The following NLRP8 variants were observed in gnomAD, a reference collection of about 807,000 sequenced individuals.
The protein encoded by NLRP8 is NLR family pyrin domain containing 8, also known as NACHT, LRR and PYD domains-containing protein 8.
A neutral mutation model predicts 88.7 loss-of-function variants in NLRP8; 86 were observed. The observed-to-expected ratio is 0.97, with a 90% CI of 0.81 to 1.16. The LOEUF (loss-of-function observed/expected upper bound fraction) is 1.16. NLRP8 is among the 50% of genes most tolerant of loss of function. The pLI is 0.00. For synonymous variants in NLRP8, 504 were observed against 494.6 expected (o/e 1.02, Z -0.25); for missense variants, 1,342 against 1,286.5 (o/e 1.04, Z -0.66).
chr19:55,953,561 A>G (rs1351075455), intron 2 of NLRP8, among the ~76,000 whole-genome samples: 1 of 151,594 alleles, frequency 6.6e-6, no homozygotes, highest in African/African-American at 2.4e-5. Context: ...CAGTGGCGTG[A>G]TCTCTCAGCT....
In NLRP8 at chr19:55,948,790, A is replaced by G. The variant is rs143099182; in HGVS notation, c.367+521A>G. ...ACTGAATACTGCTTATATGAGGTGA[A>G]CGTTAAATGAAGTCATAGAGAAGTA... On this transcript the variant is annotated intron_variant, in intron 1 of 9. Transcript: ENST00000291971. Among the ~76,000 whole-genome samples, 9 of 152,322 alleles carry G rather than the reference A, an allele frequency of 5.9e-5. No homozygotes were observed. In the East Asian group the frequency reaches 1.5e-3, roughly 26 times the overall value.
chr19:55,987,538 T>A (rs1980905792), intron 9 of NLRP8, among the ~76,000 whole-genome samples: 1 of 152,166 alleles, frequency 6.6e-6, no homozygotes, highest in Non-Finnish European at 1.5e-5. Flanking sequence ...CTGACGGTGT[T>A]GTTTGTCCTG....
intron 1 of NLRP8, among the ~76,000 whole-genome samples, chr19:55,952,096 T>A (rs1979120358): frequency 6.6e-6 from 1 of 152,150 alleles, no homozygotes; most frequent in Non-Finnish European, 1.5e-5. Context: ...TGTATTTTTA[T>A]TGGGTTTTTA....
intron 9 of NLRP8, among the ~76,000 whole-genome samples, chr19:55,985,552 C>T (rs1443363077): frequency 6.6e-6 from 1 of 152,078 alleles, no homozygotes; most frequent in Admixed American, 6.6e-5. Context: ...AAGAAAAAAT[C>T]TGAATTCCTA....
chr19:55,957,285 A>T (rs771653491), intron 3 of NLRP8, among the ~76,000 whole-genome samples: 17 of 152,200 alleles, frequency 1.1e-4, no homozygotes, highest in Non-Finnish European at 2.4e-4. Flanking sequence ...ATTTAACTTT[A>T]CTGAATTTAA....
At chr19:55,971,687 GA>G (rs1314770996) in intron 6 of NLRP8, among the ~76,000 whole-genome samples, 1 of 151,786 alleles carries the variant, frequency 6.6e-6, no homozygotes, top group African/African-American at 2.4e-5. Flanking sequence ...ACACTGTGAT[GA>G]ACATTCTAAG....
At chr19:55,953,041 G>C (rs962200992) in intron 2 of NLRP8, among the ~76,000 whole-genome samples, 2 of 152,208 alleles carry the variant, frequency 1.3e-5, no homozygotes, top group African/African-American at 4.8e-5. Flanking sequence ...ACAGCAGGAG[G>C]TGAGTGGCAG....
In NLRP8 at chr19:55,952,617, G is replaced by A. The variant is rs1293400421; in HGVS notation, c.442+5G>A. ...ATCTGGAGGAAGGAGAATCTGGTAT[G>A]TGCCTGTATCACAGCAGACCCTGGT... On this transcript the variant is annotated splice_donor_5th_base_variant and intron_variant, in intron 2 of 9. Coordinates refer to ENST00000291971, the MANE Select transcript of NLRP8 (RefSeq NM_176811.2). 1.2e-6 allele frequency: 2 copies of A among 1,612,654 alleles called. No individual in the cohort carries two copies. The highest frequency in any genetic ancestry group is 2.7e-5 in the African/African-American group (2 of 74,918).
chr19:55,972,873 A>G (rs961594348), intron 6 of NLRP8, among the ~76,000 whole-genome samples: 3 of 148,866 alleles, frequency 2.0e-5, no homozygotes, highest in Non-Finnish European at 4.4e-5. Flanking sequence ...TTTTATGGGC[A>G]TTTGGGCTGG....
chr19:55,955,910 G>C lies in NLRP8; in HGVS notation c.1852G>C (p.Glu618Gln). The change falls in exon 3 of 10, where the codon GAG becomes CAG. Residue 618 changes from glutamate to glutamine, a missense_variant. Transcript: ENST00000291971. ...ATTCTACTGTCTGCATGAAATCCGG[G>C]AGGAAGCCTTTGTAAGCCAAGCCCT... The C allele has an allele frequency of 6.2e-7, 1 of 1,614,180 alleles. No individual in the cohort carries two copies. Among genetic ancestry groups the C allele is most frequent in the Non-Finnish European group, 8.5e-7 (1 of 1,180,032 alleles).
chr19:55,948,219 C>T lies in NLRP8; in HGVS notation c.317C>T (p.Ala106Val). Residue 106 changes from alanine to valine, a missense_variant, in exon 1 of 10, where the codon GCC becomes GTC. Transcript: ENST00000291971. Reference sequence around the variant, plus strand: ...TGGGATGTGACTTCGAACATCTTTGCCATTATGAACTGTGATAAAATGTGT... The same window carrying T: ...TGGGATGTGACTTCGAACATCTTTGTCATTATGAACTGTGATAAAATGTGT... The T allele has an allele frequency of 6.2e-7, 1 of 1,613,996 alleles. No individual in the cohort carries two copies. The highest frequency in any genetic ancestry group is 8.5e-7 in the Non-Finnish European group (1 of 1,179,952).
chr19:55,955,050 T>C lies in NLRP8; in HGVS notation c.992T>C (p.Leu331Pro), dbSNP rs1326436908. 3.1e-6 allele frequency: 5 copies of C among 1,614,014 alleles called. No individual in the cohort carries two copies. The highest frequency in any genetic ancestry group is 1.3e-5 in the African/African-American group (1 of 74,920). The change falls in exon 3 of 10, where the codon CTG (leucine) becomes CCG (proline). Residue 331 changes from leucine (L) to proline (P), a missense_variant. Leu to Pro is a moderately conservative substitution (Grantham distance 98). Transcript: ENST00000291971. The stretch of plus-strand genomic sequence containing the variant: ...ACGATGCTTCCAGAGGCCACGCTAC[T>C]GATCATGATAAGATTTACCTCTTGG...
intron 9 of NLRP8, among the ~76,000 whole-genome samples, chr19:55,983,213 C>A (rs924375473): frequency 6.6e-5 from 10 of 152,022 alleles, no homozygotes; most frequent in Non-Finnish European, 1.2e-4. Context: ...CCTGTAATCC[C>A]AGCATTTTGG....
chr19:55,979,678 G>C, intron 9 of NLRP8, 114 bp downstream of exon 9: 1 of 1,135,048 alleles, frequency 8.8e-7, no homozygotes, highest in Non-Finnish European at 1.3e-6. Context: ...CAGCACTTTG[G>C]GAGACTGAGA....
rs306455 is a variant in NLRP8, at chr19:55,987,979, A to T, written c.*66A>T. 1 of 1,235,018 alleles carries T rather than the reference A, an allele frequency of 8.1e-7. No homozygotes were observed. Among genetic ancestry groups the T allele is most frequent in the Non-Finnish European group, 1.2e-6 (1 of 837,206 alleles). The allele number at this position is 1,235,018 out of a possible 1,614,324, so 76.5% of individuals were successfully genotyped here. A position where few individuals can be genotyped will look rare whatever the true frequency, so the allele number is the denominator to read the frequency against. On this transcript the variant is annotated 3_prime_UTR_variant, in exon 10 of 10. Coordinates refer to ENST00000291971, the MANE Select transcript of NLRP8 (RefSeq NM_176811.2). ...CCCACTCTGACAACTGGCAAATACC[A>T]GGCGTTATCATCCTGTATGCATTAA...
Position 55,966,304 on chromosome 19 carries a change from G to A in NLRP8, c.2305G>A (p.Val769Met), listed in dbSNP as rs750645544. The A allele has an allele frequency of 6.2e-7, 1 of 1,614,066 alleles. No homozygotes were observed. Among genetic ancestry groups the A allele is most frequent in the Admixed American group, 1.7e-5 (1 of 60,018 alleles). ...TCTGAGATACTTGGAAATACAACATGTGGAAGTGGAGTCCAAAGCTGTGAA... is the reference window on the plus strand; with the variant it reads ...TCTGAGATACTTGGAAATACAACATATGGAAGTGGAGTCCAAAGCTGTGAA... Residue 769 changes from valine (V) to methionine (M), a missense_variant, in exon 5 of 10, where the codon GTG becomes ATG. Coordinates refer to ENST00000291971, the MANE Select transcript of NLRP8 (RefSeq NM_176811.2).
At chr19:55,979,844 A>G (rs1980501093) in intron 9 of NLRP8, among the ~76,000 whole-genome samples, 1 of 152,122 alleles carries the variant, frequency 6.6e-6, no homozygotes, top group Non-Finnish European at 1.5e-5. Context: ...ACTTGGGCCC[A>G]GGAGGTTGAG....
chr19:55,962,698 C>G (rs902703443), intron 4 of NLRP8, among the ~76,000 whole-genome samples: 1 of 152,058 alleles, frequency 6.6e-6, no homozygotes, highest in Non-Finnish European at 1.5e-5. Context: ...GAGGATCACC[C>G]GAGCCCAGGA....
At chr19:55,953,681 G>T (rs1389899810) in intron 2 of NLRP8, among the ~76,000 whole-genome samples, 6 of 150,426 alleles carry the variant, frequency 4.0e-5, no homozygotes, top group Non-Finnish European at 5.9e-5. Flanking sequence ...TGTATGTTTA[G>T]TAGAGATGGG....
Sources: gnomAD v4.1 joint callset for allele counts (sites outside exome capture counted in the v4.1 genomes callset) on GRCh38, gnomAD v4.1.1 for gene constraint, MANE v1.5 for transcripts, NCBI Gene and HGNC (gene_info 2026-07-23, HGNC 2026-07-21) for gene names.